LRRC42: variants seen among roughly 807,000 people sequenced by gnomAD.
LRRC42 encodes leucine rich repeat containing 42.
A neutral mutation model predicts 44.3 loss-of-function variants in LRRC42; 43 were observed. That is an observed-to-expected ratio of 0.97 (90% CI 0.76 to 1.25). The LOEUF (loss-of-function observed/expected upper bound fraction) is 1.25. Ranked by LOEUF, LRRC42 falls within the 50% of genes most tolerant of loss-of-function variation. The pLI is 0.00. For synonymous variants in LRRC42, 207 were observed against 195.2 expected, an observed-to-expected ratio of 1.06 and a Z score of -0.50; for missense variants, 540 against 509.1, an observed-to-expected ratio of 1.06 and a Z score of -0.58.
rs184704873 is a variant in LRRC42, at chr1:53,949,138, G to C, written c.-15+1317G>C. ...AGAACTGTGCCTTTTTTTTGAAAATGATCCCTGGAAGCCAAAGCAGCCAGG... is the reference window on the plus strand; with the variant it reads ...AGAACTGTGCCTTTTTTTTGAAAATCATCCCTGGAAGCCAAAGCAGCCAGG... On this transcript the variant is annotated intron_variant, in intron 2 of 8. Transcript: ENST00000371370. 7.0e-4 allele frequency among the ~76,000 whole-genome samples: 106 copies of C among 151,948 alleles called. 1 individual carries two copies. Among genetic ancestry groups the C allele is most frequent in the Non-Finnish European group, 3.1e-4 (21 of 67,908 alleles).
At position 53,968,085 on chromosome 1, in the gene LRRC42, A is replaced by C; in HGVS notation, c.*146A>C. ...TCTACTTTTGTGGTGTGGGAGGGGA[A>C]TGCTATGGAAGTATGTAATAATTTC... is the stretch of plus-strand genomic sequence containing the variant. On this transcript the variant is annotated 3_prime_UTR_variant, in exon 9 of 9. Coordinates refer to ENST00000371370, the MANE Select transcript of LRRC42 (RefSeq NM_001256409.2). The C allele has an allele frequency of 1.3e-6, 1 of 762,638 alleles. No homozygotes were observed. The highest frequency in any genetic ancestry group is 2.6e-5 in the East Asian group (1 of 38,534). The allele number at this position is 762,638 out of a possible 1,614,324, so 47.2% of individuals were successfully genotyped here.
Position 53,952,376 on chromosome 1 carries a change from A to G in LRRC42, c.377A>G (p.Gln126Arg), listed in dbSNP as rs748209171. 1.9e-6 allele frequency: 3 copies of G among 1,614,068 alleles called. No homozygotes were observed. The highest frequency in any genetic ancestry group is 3.3e-5 in the Admixed American group (2 of 60,030). The change falls in exon 3 of 9, where the codon CAG becomes CGG. Residue 126 changes from glutamine (Q) to arginine (R), a missense_variant. By Grantham distance (43) the Gln-to-Arg change is conservative. Coordinates refer to ENST00000371370, the MANE Select transcript of LRRC42 (RefSeq NM_001256409.2). ...EKLFSAAEAR[Q>R]KFTEPGAGLR... ...CTGTTCTCTGCTGCTGAAGCCAGAC[A>G]GAAATTCACTGAGCCAGGTGCAGGG... is the stretch of plus-strand genomic sequence containing the variant.
At chr1:53,951,956 GAT>G (rs1314963958) in intron 2 of LRRC42, 28 bp from the exon 3 acceptor site, 21 of 1,518,156 alleles carry the variant, frequency 1.4e-5, no homozygotes, top group Non-Finnish European at 1.9e-5. Context: ...ATTTTAATTG[GAT>G]TTGCTTCCCT....
rs372216114 is a variant in LRRC42, at chr1:53,960,397, C to G, written c.647C>G (p.Ala216Gly). The G allele has an allele frequency of 3.1e-6, 5 of 1,613,778 alleles. No homozygotes were observed. Among genetic ancestry groups the G allele is most frequent in the Non-Finnish European group, 4.2e-6 (5 of 1,179,948 alleles). Residue 216 changes from alanine to glycine, a missense_variant, in exon 5 of 9, where the codon GCT becomes GGT. Coordinates refer to ENST00000371370, the MANE Select transcript of LRRC42 (RefSeq NM_001256409.2). Reference protein sequence around the residue: ...LHLKDNCLSDAGVRKMTAPVR... With the variant: ...LHLKDNCLSDGGVRKMTAPVR... The stretch of plus-strand genomic sequence containing the variant: ...CTGAAGGATAATTGTTTATCTGATG[C>G]TGGGGTGCGGAAGATGACAGCACCA...
At position 53,952,404 on chromosome 1, in the gene LRRC42, G is replaced by A. The variant is rs1654717258; in HGVS notation, c.405G>A (p.Leu135=). 6.2e-7 allele frequency: 1 copy of A among 1,612,362 alleles called. No homozygotes were observed. The highest frequency in any genetic ancestry group is 2.2e-5 in the East Asian group (1 of 44,806). ...AATTCACTGAGCCAGGTGCAGGGCT[G>A]AGGGCTTTACAGAAATTCACTGAGG... is the stretch of plus-strand genomic sequence containing the variant. The part of the protein sequence containing the change: ...RQKFTEPGAG[L]RALQKFTEAY... Residue 135 remains leucine (L), a synonymous_variant, in exon 3 of 9, where the codon CTG becomes CTA. Coordinates refer to ENST00000371370, the MANE Select transcript of LRRC42 (RefSeq NM_001256409.2).
intron 2 of LRRC42, 141 bp from the exon 3 acceptor site, chr1:53,951,844 GC>G (rs2100918025): frequency 1.5e-6 from 1 of 659,460 alleles, no homozygotes; most frequent in African/African-American, 1.8e-5. Flanking sequence ...AAGTTCCCAG[GC>G]AACTGGTGAG....
At position 53,961,427 on chromosome 1, in the gene LRRC42, TAATG is replaced by T. The variant is rs528996099; in HGVS notation, c.725-602_725-599del. Reference sequence around the variant, plus strand: ...CTCTGTCTCAAAAAAAAAAAAGAAATAATGAATGTCCTCCCTACCTCCCAGGGAA... The same window carrying T: ...CTCTGTCTCAAAAAAAAAAAAGAAATAATGTCCTCCCTACCTCCCAGGGAA... On this transcript the variant is annotated intron_variant, in intron 5 of 8. Coordinates refer to ENST00000371370, the MANE Select transcript of LRRC42 (RefSeq NM_001256409.2). 2.6e-3 allele frequency among the ~76,000 whole-genome samples: 390 copies of T among 151,476 alleles called. 3 individuals carry two copies. In the Middle Eastern group the frequency reaches 0.027, roughly 11 times the overall value.
Position 53,962,029 on chromosome 1 carries a change from T to TC in LRRC42, c.725-4dup, listed in dbSNP as rs1655007241. The TC allele has an allele frequency of 1.1e-5, 18 of 1,605,856 alleles. No individual in the cohort carries two copies. The highest frequency in any genetic ancestry group is 1.5e-5 in the Non-Finnish European group (18 of 1,174,866). ...ACAGAATGCTACGTTGTTTTTGACATCTAGGTAACCCTGAGATCACAGATG... is the reference window on the plus strand; with the variant it reads ...ACAGAATGCTACGTTGTTTTTGACATCCTAGGTAACCCTGAGATCACAGATG... On this transcript the variant is annotated splice_polypyrimidine_tract_variant and splice_region_variant and intron_variant, in intron 5 of 8. Coordinates refer to ENST00000371370, the MANE Select transcript of LRRC42 (RefSeq NM_001256409.2).
intron 7 of LRRC42, among the ~76,000 whole-genome samples, chr1:53,964,995 A>ATT (rs1557649612): frequency 7.3e-6 from 1 of 137,656 alleles, no homozygotes; most frequent in African/African-American, 3.1e-5. Flanking sequence ...CTGGAACTGT[A>ATT]TTGTTTTTTT....
intron 3 of LRRC42, among the ~76,000 whole-genome samples, chr1:53,954,110 C>A (rs926151579): frequency 2.0e-5 from 3 of 152,138 alleles, no homozygotes; most frequent in Non-Finnish European, 1.5e-5. Flanking sequence ...TAAGAGAAAG[C>A]CATATCAGAA....
chr1:53,962,107 T>C lies in LRRC42; in HGVS notation c.798T>C (p.Ser266=). 6.2e-7 allele frequency: 1 copy of C among 1,613,470 alleles called. No individual in the cohort carries two copies. The highest frequency in any genetic ancestry group is 8.5e-7 in the Non-Finnish European group (1 of 1,179,406). The change falls in exon 6 of 9, where the codon TCT becomes TCC. Residue 266 remains serine (S), a synonymous_variant. Transcript: ENST00000371370. The part of the protein sequence containing the change: ...SFRKLNCLDI[S]GTGLKDIKTV... ...GGAAACTAAACTGCTTAGATATCTC[T>C]GGGACAGGGCTCAAGGTAAGACTTT...
chr1:53,963,104 G>A (rs1284640102), intron 7 of LRRC42, among the ~76,000 whole-genome samples: 1 of 152,040 alleles, frequency 6.6e-6, no homozygotes, highest in African/African-American at 2.4e-5. Flanking sequence ...CTTGGTGGAG[G>A]CCTAGAGGAC....
At chr1:53,962,177 G>C in intron 6 of LRRC42, 55 bp downstream of exon 6, 3 of 1,518,596 alleles carry the variant, frequency 2.0e-6, no homozygotes, top group Non-Finnish European at 2.7e-6. Flanking sequence ...TTGATATTTT[G>C]CCTGTGCTAA....
Position 53,967,811 on chromosome 1 carries a change from G to A in LRRC42, c.1159G>A (p.Glu387Lys), listed in dbSNP as rs1200110900. ...VLKHEAISSQ[E>K]SKKSKKRPFE... ...GAAACACGAAGCTATCTCAAGCCAG[G>A]AGTCAAAGAAGAGCAAGAAGAGACC... is the stretch of plus-strand genomic sequence containing the variant. Residue 387 changes from glutamate to lysine, a missense_variant, in exon 9 of 9, where the codon GAG (glutamate) becomes AAG (lysine). Transcript: ENST00000371370. The A allele has an allele frequency of 6.2e-7, 1 of 1,614,188 alleles. No individual in the cohort carries two copies. Among genetic ancestry groups the A allele is most frequent in the South Asian group, 1.1e-5 (1 of 91,074 alleles).
At chr1:53,948,207 A>AGG (rs1654580084) in intron 2 of LRRC42, among the ~76,000 whole-genome samples, 1 of 152,164 alleles carries the variant, frequency 6.6e-6, no homozygotes, top group Non-Finnish European at 1.5e-5. Context: ...TATCTACTGA[A>AGG]GTTAGATATT....
chr1:53,958,924 T>A (rs1009787049), intron 4 of LRRC42, among the ~76,000 whole-genome samples: 1 of 151,034 alleles, frequency 6.6e-6, no homozygotes, highest in East Asian at 2.0e-4. Flanking sequence ...TTGCTCTTGT[T>A]GTCCAGGCTG....
intron 2 of LRRC42, among the ~76,000 whole-genome samples, chr1:53,949,117 CTG>C (rs901380537): frequency 3.3e-5 from 5 of 152,202 alleles, no homozygotes; most frequent in South Asian, 2.1e-4. Flanking sequence ...ACAACCAGAA[CTG>C]TGCCTTTTTT....
chr1:53,967,835 C>T lies in LRRC42; in HGVS notation c.1183C>T (p.Pro395Ser), dbSNP rs184712819. The change falls in exon 9 of 9, where the codon CCT becomes TCT. Residue 395 changes from proline (P) to serine (S), a missense_variant. Transcript: ENST00000371370. Reference sequence around the variant, plus strand: ...GGAGTCAAAGAAGAGCAAGAAGAGACCTTTTGAGGAGTCAGAGACAGAACA... The same window carrying T: ...GGAGTCAAAGAAGAGCAAGAAGAGATCTTTTGAGGAGTCAGAGACAGAACA... ...SQESKKSKKR[P>S]FEESETEQNN... 151 of 1,614,142 alleles carry T rather than the reference C, an allele frequency of 9.4e-5. 1 individual carries two copies. In the East Asian group the frequency reaches 3.3e-3, roughly 36 times the overall value.
chr1:53,953,059 C>T (rs553337458), intron 3 of LRRC42, among the ~76,000 whole-genome samples: 1 of 152,328 alleles, frequency 6.6e-6, no homozygotes, highest in African/African-American at 2.4e-5. Context: ...TTCAAAACAT[C>T]TAATTTTTTA....
Sources: allele counts gnomAD v4.1 joint callset (sites outside exome capture counted in the v4.1 genomes callset), GRCh38; gene constraint gnomAD v4.1.1; transcripts MANE v1.5; gene names NCBI Gene and HGNC (gene_info 2026-07-23, HGNC 2026-07-21).